SLC23A2: variants seen among roughly 807,000 people sequenced by gnomAD.
SLC23A2 encodes the protein Na(+)/L-ascorbic acid transporter 2.
SLC23A2 carries 36 observed loss-of-function variants against 73.3 expected under a neutral mutation model. The observed-to-expected ratio is 0.49, with a 90% CI of 0.38 to 0.65. SLC23A2 has a LOEUF of 0.65. Ranked by LOEUF, SLC23A2 falls within the 30% of genes least tolerant of loss-of-function variation. The pLI is 0.00. For missense variants in SLC23A2, 507 were observed against 841.6 expected, an observed-to-expected ratio of 0.60 and a Z score of 4.92; for synonymous variants, 343 against 327.3, an observed-to-expected ratio of 1.05 and a Z score of -0.52.
At chr20:4,870,205 C>T in intron 11 of SLC23A2, 152 bp from the exon 12 acceptor site, 1 of 657,782 alleles carries the variant, frequency 1.5e-6, no homozygotes, top group Non-Finnish European at 2.5e-6. Context: ...AAATCTTAAG[C>T]ACCAGATGCC....
At chr20:4,896,163 C>T (rs61639360) in intron 6 of SLC23A2, among the ~76,000 whole-genome samples, 12,223 of 152,130 alleles carry the variant, frequency 0.08, 947 homozygotes, top group African/African-American at 0.2. Flanking sequence ...GTGCCCCCCA[C>T]GGTGACTGGC....
intron 1 of SLC23A2, among the ~76,000 whole-genome samples, chr20:4,994,934 CA>C (rs59303726): frequency 3.8e-4 from 52 of 138,032 alleles, no homozygotes; most frequent in Admixed American, 3.7e-4. Context: ...AACTCTGTCT[CA>C]AAAAAAAAAA....
chr20:4,908,602 A>G (rs1478409438), intron 4 of SLC23A2, among the ~76,000 whole-genome samples: 1 of 152,256 alleles, frequency 6.6e-6, no homozygotes, highest in Non-Finnish European at 1.5e-5. Context: ...TAGGTATTGT[A>G]TGACTAATAA....
At chr20:4,875,758 C>A (rs1600090278) in intron 9 of SLC23A2, among the ~76,000 whole-genome samples, 2 of 152,220 alleles carry the variant, frequency 1.3e-5, no homozygotes, top group South Asian at 2.1e-4. Flanking sequence ...TCGTGCCCAA[C>A]AATGCGTCTA....
At chr20:4,904,204 T>TA (rs918613685) in intron 4 of SLC23A2, among the ~76,000 whole-genome samples, 13 of 152,280 alleles carry the variant, frequency 8.5e-5, no homozygotes, top group African/African-American at 3.1e-4. Flanking sequence ...GGTGAGTAAT[T>TA]AAAGTTAGCC....
chr20:4,894,971 G>A (rs1411575247), intron 6 of SLC23A2, among the ~76,000 whole-genome samples: 1 of 152,098 alleles, frequency 6.6e-6, no homozygotes, highest in Non-Finnish European at 1.5e-5. Flanking sequence ...ACAATAGAGG[G>A]CCCACCCCTC....
chr20:4,959,200 C>T (rs956287372), intron 2 of SLC23A2, among the ~76,000 whole-genome samples: 1 of 144,926 alleles, frequency 6.9e-6, no homozygotes. Flanking sequence ...GCCTGGGCAA[C>T]AAGAGCAAAA....
intron 3 of SLC23A2, among the ~76,000 whole-genome samples, chr20:4,916,152 G>C (rs950231189): frequency 2.6e-5 from 4 of 152,122 alleles, no homozygotes; most frequent in African/African-American, 7.2e-5. Flanking sequence ...TGGCTGCTGG[G>C]AGGATACACA....
chr20:4,893,197 G>A (rs1343502496), intron 6 of SLC23A2, among the ~76,000 whole-genome samples: 1 of 151,844 alleles, frequency 6.6e-6, no homozygotes, highest in Non-Finnish European at 1.5e-5. Context: ...TCAAGTAGCT[G>A]GGACCACAGG....
chr20:4,982,923 T>C (rs978955254), intron 1 of SLC23A2, among the ~76,000 whole-genome samples: 6 of 151,824 alleles, frequency 4.0e-5, no homozygotes, highest in African/African-American at 1.5e-4. Flanking sequence ...CTGATCAACA[T>C]GGAGAAACCC....
At chr20:4,905,762 C>T (rs1298724641) in intron 4 of SLC23A2, among the ~76,000 whole-genome samples, 2 of 152,126 alleles carry the variant, frequency 1.3e-5, no homozygotes, top group African/African-American at 4.8e-5. Flanking sequence ...TTATAAAGGA[C>T]CATACAGTAA....
chr20:4,858,476 TTGTG>T (rs1476399495), intron 16 of SLC23A2, among the ~76,000 whole-genome samples: 1 of 152,188 alleles, frequency 6.6e-6, no homozygotes, highest in East Asian at 1.9e-4. Flanking sequence ...TTCCATCTAT[TTGTG>T]TGTGTGATTC....
At chr20:5,004,518 T>C (rs2088168316), upstream of SLC23A2, among the ~76,000 whole-genome samples, 1 of 152,088 alleles carries the variant, frequency 6.6e-6, no homozygotes, top group African/African-American at 2.4e-5. Context: ...ATCTCACACC[T>C]TTTCTGAAAA....
chr20:4,932,803 A>T (rs1932803953), intron 2 of SLC23A2, 87 bp from the exon 3 acceptor site: 1 of 441,138 alleles, frequency 2.3e-6, no homozygotes, highest in Non-Finnish European at 4.0e-6. Flanking sequence ...ACAGTAAAAA[A>T]GTCACACTAC....
chr20:4,925,912 G>A (rs1257305675), intron 3 of SLC23A2, among the ~76,000 whole-genome samples: 1 of 152,186 alleles, frequency 6.6e-6, no homozygotes, highest in African/African-American at 2.4e-5. Context: ...GTCTCACGTG[G>A]ACACTATCAC....
chr20:4,910,063 G>A (rs920417447), intron 4 of SLC23A2, among the ~76,000 whole-genome samples: 2 of 152,086 alleles, frequency 1.3e-5, no homozygotes, highest in Non-Finnish European at 2.9e-5. Flanking sequence ...GGGGCAATCC[G>A]GCTTCCTGAG....
Position 4,899,802 on chromosome 20 carries a change from T to G in SLC23A2, c.325-90A>C. ...CCTAATTCTTCTCTCTTATTGTCGT[T>G]AAAAAATAGCCCACATAAAGAATCT... On this transcript the variant is annotated intron_variant, in intron 5 of 16. Coordinates refer to ENST00000338244, the MANE Select transcript of SLC23A2 (RefSeq NM_005116.6). This position sits in a 1 kb window ranked among gnomAD's most constrained non-coding sequence, Gnocchi z 4.9. 7.6e-7 allele frequency: 1 copy of G among 1,322,432 alleles called. No individual in the cohort carries two copies. Among genetic ancestry groups the G allele is most frequent in the African/African-American group, 1.5e-5 (1 of 68,144 alleles). The allele number at this position is 1,322,432 out of a possible 1,614,324, so 81.9% of individuals were successfully genotyped here. A position where few individuals can be genotyped will look rare whatever the true frequency, so the allele number is the denominator to read the frequency against.
In SLC23A2 at chr20:4,855,096, T is replaced by C. The variant is rs555848977; in HGVS notation, c.*1876A>G. The C allele has an allele frequency of 5.2e-4, 79 of 152,736 alleles. No individual in the cohort carries two copies. The highest frequency in any genetic ancestry group is 1.8e-3 in the African/African-American group (75 of 41,558). The allele number at this position is 152,736 out of a possible 1,614,324, so 9.5% of individuals were successfully genotyped here. On this transcript the variant is annotated 3_prime_UTR_variant, in exon 17 of 17. Transcript: ENST00000338244. Reference sequence around the variant, plus strand: ...TTAAAAAAACATACAAAATTAGATGTAATTTAGCATCTAAGTTCTTTACTT... The same window carrying C: ...TTAAAAAAACATACAAAATTAGATGCAATTTAGCATCTAAGTTCTTTACTT...
At chr20:4,948,844 T>C (rs532390833) in intron 2 of SLC23A2, among the ~76,000 whole-genome samples, 83 of 152,346 alleles carry the variant, frequency 5.4e-4, no homozygotes, top group African/African-American at 1.9e-3. Context: ...GAACCTGACA[T>C]TTTTTAATAA....
Sources: gnomAD v4.1 joint callset for allele counts (sites outside exome capture counted in the v4.1 genomes callset) on GRCh38, gnomAD v4.1.1 for gene constraint, Gnocchi (gnomAD v3.1) non-coding constraint, MANE v1.5 for transcripts, NCBI Gene and HGNC (gene_info 2026-07-23, HGNC 2026-07-21) for gene names.